HTRA1: variants seen among roughly 807,000 people sequenced by gnomAD.
HTRA1 encodes the protein HtrA serine peptidase 1.
A neutral mutation model predicts 49.7 loss-of-function variants in HTRA1; 26 were observed. The observed-to-expected ratio is 0.52, with a 90% confidence interval of 0.38 to 0.73. The LOEUF (loss-of-function observed/expected upper bound fraction) is 0.73, where lower values mean the gene tolerates loss of function less well. Among genes scored for constraint, HTRA1 ranks in the 30% least tolerant of loss-of-function variants. The pLI, the probability that HTRA1 is intolerant of heterozygous loss-of-function variation, is 0.00. For missense variants in HTRA1, 561 were observed against 667.2 expected, an observed-to-expected ratio of 0.84 and a Z score of 1.75; for synonymous variants, 291 against 286.9, an observed-to-expected ratio of 1.01 and a Z score of -0.14.
chr10:122,469,001 C>T (rs532439776), intron 1 of HTRA1, among the ~76,000 whole-genome samples: 1 of 152,320 alleles, frequency 6.6e-6, no homozygotes, highest in South Asian at 2.1e-4. Flanking sequence ...TCCGCAGCAT[C>T]CCGTGACAGC....
intron 5 of HTRA1, among the ~76,000 whole-genome samples, chr10:122,508,222 G>A (rs1024721996): frequency 3.3e-5 from 5 of 152,192 alleles, no homozygotes; most frequent in African/African-American, 1.2e-4. Context: ...GGCTTTGCTG[G>A]TAATGAAGCA....
At chr10:122,463,629 G>A (rs1591022899) in intron 1 of HTRA1, among the ~76,000 whole-genome samples, 1 of 152,184 alleles carries the variant, frequency 6.6e-6, no homozygotes, top group Admixed American at 6.5e-5. Context: ...AGCCTCCCAA[G>A]TGGCTGGGAC....
In HTRA1 at chr10:122,471,073, G is replaced by A. The variant is rs186546019; in HGVS notation, c.472+8949G>A. ...TCTGCCTGCACCGTGGAGAGCACAC[G>A]CTCCTCCTGGGGTGGCCTGCATCCT... is the stretch of plus-strand genomic sequence containing the variant. On this transcript the variant is annotated intron_variant, in intron 1 of 8. Coordinates refer to ENST00000368984, the MANE Select transcript of HTRA1 (RefSeq NM_002775.5). 4.6e-5 allele frequency among the ~76,000 whole-genome samples: 7 copies of A among 152,266 alleles called. No individual in the cohort carries two copies. The South Asian group carries it at 1.5e-3, about 32-fold the overall frequency.
rs188281776 is a variant in HTRA1, at chr10:122,510,607, C to T, written c.1178+454C>T. 2.1e-4 allele frequency among the ~76,000 whole-genome samples: 32 copies of T among 152,280 alleles called. 2 individuals are homozygous for T. The East Asian group carries it at 2.1e-3, about 10-fold the overall frequency. On this transcript the variant is annotated intron_variant, in intron 7 of 8. Transcript: ENST00000368984. ...TCCAGGAATGCCAGGGCAGGTCCAG[C>T]GCAGGGAAGTGAATGACTGATGTGC... is the stretch of plus-strand genomic sequence containing the variant.
intron 3 of HTRA1, among the ~76,000 whole-genome samples, chr10:122,499,596 C>T (rs2097500093): frequency 6.6e-6 from 1 of 152,172 alleles, no homozygotes; most frequent in South Asian, 2.1e-4. Flanking sequence ...GCTCACTTCC[C>T]TCCTTACCCA....
At chr10:122,493,611 G>A (rs1591034547) in intron 3 of HTRA1, among the ~76,000 whole-genome samples, 1 of 152,176 alleles carries the variant, frequency 6.6e-6, no homozygotes, top group Non-Finnish European at 1.5e-5. Context: ...GAGGTAATGG[G>A]ATGTATTGAA....
rs570355002 is a variant in HTRA1, at chr10:122,487,580, G to A, written c.473-1322G>A. 5.4e-4 allele frequency among the ~76,000 whole-genome samples: 82 copies of A among 152,308 alleles called. No individual in the cohort carries two copies. Among genetic ancestry groups the A allele is most frequent in the African/African-American group, 1.9e-3 (77 of 41,562 alleles). Reference sequence around the variant, plus strand: ...AGCTTTGGAAACGCCCACCACGTGGGGCCACTCACTGTAATATAAACGGTC... The same window carrying A: ...AGCTTTGGAAACGCCCACCACGTGGAGCCACTCACTGTAATATAAACGGTC... On this transcript the variant is annotated intron_variant, in intron 1 of 8. Transcript: ENST00000368984. The surrounding 1 kb of genome is among the most constrained non-coding windows in gnomAD (Gnocchi z 4.8).
At chr10:122,509,600 G>A (rs1200146937) in intron 6 of HTRA1, among the ~76,000 whole-genome samples, 1 of 152,216 alleles carries the variant, frequency 6.6e-6, no homozygotes, top group African/African-American at 2.4e-5. Context: ...TGAGGGACCT[G>A]GGTTGCATCC....
chr10:122,513,137 C>T (rs1010475068), intron 8 of HTRA1, among the ~76,000 whole-genome samples: 4 of 152,104 alleles, frequency 2.6e-5, no homozygotes, highest in Admixed American at 6.5e-5. Flanking sequence ...CTATGGAGCC[C>T]TTTACAGAAA....
chr10:122,461,623 G>T lies in HTRA1; in HGVS notation c.-30G>T. On this transcript the variant is annotated 5_prime_UTR_variant, in exon 1 of 9. Transcript: ENST00000368984. ...CCGCTCTCCGGCCCTCGCCCTGTCCGCCGCCACCGCCGCCGCCGCCAGAGT... is the reference window on the plus strand; with the variant it reads ...CCGCTCTCCGGCCCTCGCCCTGTCCTCCGCCACCGCCGCCGCCGCCAGAGT... 1 of 1,268,660 alleles carries T rather than the reference G, an allele frequency of 7.9e-7. No individual in the cohort carries two copies. The allele number at this position is 1,268,660 out of a possible 1,614,324, so 78.6% of individuals were successfully genotyped here.
intron 1 of HTRA1, among the ~76,000 whole-genome samples, chr10:122,471,238 C>T (rs1196025596): frequency 6.6e-6 from 1 of 152,142 alleles, no homozygotes; most frequent in African/African-American, 2.4e-5. Context: ...GGTTTAGCCC[C>T]ACTGGATGAA....
chr10:122,467,706 C>T (rs2097484331), intron 1 of HTRA1, among the ~76,000 whole-genome samples: 1 of 151,954 alleles, frequency 6.6e-6, no homozygotes, highest in African/African-American at 2.4e-5. Flanking sequence ...GCTCCAAGGC[C>T]TTTGGGTCAT....
At chr10:122,481,593 C>T (rs777130842) in intron 1 of HTRA1, among the ~76,000 whole-genome samples, 8 of 152,192 alleles carry the variant, frequency 5.3e-5, no homozygotes, top group Non-Finnish European at 1.0e-4. Flanking sequence ...GATTCAGGCC[C>T]AACCACTGCA....
chr10:122,507,380 C>T lies in HTRA1; in HGVS notation c.983C>T (p.Ser328Leu), dbSNP rs2133449911. ...TCTGTTTAATTGCAGTATGGAAACT[C>T]GGGAGGCCCGTTAGTAAACCTGGTA... ...QTDAIINYGN[S>L]GGPLVNLDGE... The change falls in exon 5 of 9, where the codon TCG becomes TTG. Residue 328 changes from serine (S) to leucine (L), a missense_variant. Ser to Leu is a moderately radical substitution (Grantham distance 145, BLOSUM62 -2). Around this residue, in one of 3 missense-constraint regions of HTRA1, gnomAD observed 271 missense variants for 410.0 expected, o/e 0.66. Coordinates refer to ENST00000368984, the MANE Select transcript of HTRA1 (RefSeq NM_002775.5). 6.2e-7 allele frequency: 1 copy of T among 1,611,660 alleles called. No homozygotes were observed. Among genetic ancestry groups the T allele is most frequent in the Non-Finnish European group, 8.5e-7 (1 of 1,177,780 alleles).
Position 122,489,413 on chromosome 10 carries a change from G to T in HTRA1, c.573-9G>T, listed in dbSNP as rs755168997. ...TACAGGCTTAAGTGTGTACTCCTTT[G>T]GATTTTAGGCTTCCGTTTTCTAAAC... On this transcript the variant is annotated splice_polypyrimidine_tract_variant and intron_variant, in intron 2 of 8. Coordinates refer to ENST00000368984, the MANE Select transcript of HTRA1 (RefSeq NM_002775.5). 6.2e-7 allele frequency: 1 copy of T among 1,613,670 alleles called. No homozygotes were observed. Among genetic ancestry groups the T allele is most frequent in the South Asian group, 1.1e-5 (1 of 91,068 alleles).
intron 1 of HTRA1, among the ~76,000 whole-genome samples, chr10:122,473,859 C>T (rs947273849): frequency 1.3e-5 from 2 of 152,230 alleles, no homozygotes; most frequent in African/African-American, 4.8e-5. Context: ...TGTCTCTTAG[C>T]ATAATGTTTT....
At chr10:122,488,819 C>T in intron 1 of HTRA1, 83 bp from the exon 2 acceptor site, 1 of 1,096,208 alleles carries the variant, frequency 9.1e-7, no homozygotes, top group Non-Finnish European at 1.4e-6. Flanking sequence ...GGGCATGCAT[C>T]TTGGCTTCCT....
At position 122,464,386 on chromosome 10, in the gene HTRA1, G is replaced by A. The variant is rs2097482904; in HGVS notation, c.472+2262G>A. Reference sequence around the variant, plus strand: ...ACAGCCACAGAGGGATAAGCATGGTGGCTTTGAAAGGAGGGAGAGACAGAG... The same window carrying A: ...ACAGCCACAGAGGGATAAGCATGGTAGCTTTGAAAGGAGGGAGAGACAGAG... On this transcript the variant is annotated intron_variant, in intron 1 of 8. Coordinates refer to ENST00000368984, the MANE Select transcript of HTRA1 (RefSeq NM_002775.5). The surrounding 1 kb of genome is among the most constrained non-coding windows in gnomAD (Gnocchi z 4.8). Among the ~76,000 whole-genome samples the A allele has an allele frequency of 6.6e-6, 1 of 152,180 alleles. No homozygotes were observed. The highest frequency in any genetic ancestry group is 2.4e-5 in the African/African-American group (1 of 41,444).
Position 122,489,682 on chromosome 10 carries a change from G to C in HTRA1, c.777+56G>C, listed in dbSNP as rs2097494847. Reference sequence around the variant, plus strand: ...TCTCAGATGCCCCGGAACACCCTTGGCAAAGGCACCAGAGCTCTCTGATTG... The same window carrying C: ...TCTCAGATGCCCCGGAACACCCTTGCCAAAGGCACCAGAGCTCTCTGATTG... On this transcript the variant is annotated intron_variant, in intron 3 of 8. Coordinates refer to ENST00000368984, the MANE Select transcript of HTRA1 (RefSeq NM_002775.5). The C allele has an allele frequency of 4.0e-6, 6 of 1,514,388 alleles. No homozygotes were observed. The Admixed American group carries it at 1.1e-4, about 27-fold the overall frequency. 93.8% of individuals were successfully genotyped at this position (1,514,388 alleles called of 1,614,324 possible). A position where few individuals can be genotyped will look rare whatever the true frequency, so the allele number is the denominator to read the frequency against.
Sources: gnomAD v4.1 joint callset for allele counts (sites outside exome capture counted in the v4.1 genomes callset) on GRCh38, gnomAD v4.1.1 for gene constraint, gnomAD v4.1.1 regional missense constraint, Gnocchi (gnomAD v3.1) non-coding constraint, MANE v1.5 for transcripts, NCBI Gene and HGNC (gene_info 2026-07-23, HGNC 2026-07-21) for gene names.